Variants in VAV2 observed in about 807,000 individuals in gnomAD.
VAV2 encodes vav guanine nucleotide exchange factor 2.
A neutral mutation model predicts 132.5 loss-of-function variants in VAV2; 67 were observed. The ratio of observed to expected loss-of-function variants is 0.51; its 90% CI spans 0.42 to 0.62. VAV2 has a LOEUF of 0.62. VAV2 is among the 20% of genes least tolerant of loss of function. The probability of loss-of-function intolerance (pLI) is 0.00; values close to 1 mark genes in which losing one functional copy is unlikely to be tolerated. For missense variants in VAV2, 938 were observed against 1,153.6 expected (o/e 0.81, Z 2.71); for synonymous variants, 492 against 443.5 (o/e 1.11, Z -1.37).
chr9:133,963,331 A>G (rs1356361487), intron 1 of VAV2, among the ~76,000 whole-genome samples: 1 of 152,214 alleles, frequency 6.6e-6, no homozygotes, highest in Non-Finnish European at 1.5e-5. Flanking sequence ...GCCACTGACC[A>G]GAACCAAGGG....
intron 4 of VAV2, among the ~76,000 whole-genome samples, chr9:133,815,867 A>C (rs919498887): frequency 1.3e-5 from 2 of 152,204 alleles, no homozygotes; most frequent in Admixed American, 6.5e-5. Flanking sequence ...CTAGGACTGG[A>C]ACTCCTGGTC....
chr9:133,827,523 G>A (rs74204327), intron 4 of VAV2, among the ~76,000 whole-genome samples: 1,541 of 3,436 alleles, frequency 0.45, 633 homozygotes, highest in Non-Finnish European at 0.67. Flanking sequence ...GTGCCCACTG[G>A]GGCTGACCAC....
chr9:133,843,914 C>A (rs1030107001), intron 3 of VAV2, among the ~76,000 whole-genome samples: 2 of 151,338 alleles, frequency 1.3e-5, no homozygotes, highest in African/African-American at 4.9e-5. Context: ...CTGCCATAGC[C>A]CCGGCAGTGA....
intron 1 of VAV2, among the ~76,000 whole-genome samples, chr9:133,952,372 G>A (rs1841589393): frequency 6.6e-6 from 1 of 152,118 alleles, no homozygotes; most frequent in Non-Finnish European, 1.5e-5. Context: ...GGGAGGCCGA[G>A]GCAAGCAGAT....
chr9:133,883,546 G>A lies in VAV2; in HGVS notation c.322-22114C>T, dbSNP rs1838583321. ...GACTCCCAAGTCATCCCCAGCCACGGCAGGCAGACAGCCCAGCAGAGACTC... is the reference window on the plus strand; with the variant it reads ...GACTCCCAAGTCATCCCCAGCCACGACAGGCAGACAGCCCAGCAGAGACTC... On this transcript the variant is annotated intron_variant, in intron 2 of 29. Transcript: ENST00000371850. This position sits in a 1 kb window ranked among gnomAD's most constrained non-coding sequence, Gnocchi z 4.2. Among the ~76,000 whole-genome samples, 1 of 152,096 alleles carries A rather than the reference G, an allele frequency of 6.6e-6. No individual in the cohort carries two copies. Among genetic ancestry groups the A allele is most frequent in the Non-Finnish European group, 1.5e-5 (1 of 68,014 alleles).
intron 2 of VAV2, among the ~76,000 whole-genome samples, chr9:133,898,988 AT>A (rs1317122226): frequency 6.6e-6 from 1 of 151,580 alleles, no homozygotes; most frequent in Non-Finnish European, 1.5e-5. Context: ...CGCCCGGCTA[AT>A]TTTTTGTATT....
At chr9:133,959,214 G>A (rs569239719) in intron 1 of VAV2, among the ~76,000 whole-genome samples, 75 of 152,336 alleles carry the variant, frequency 4.9e-4, no homozygotes, top group African/African-American at 1.5e-3. Flanking sequence ...CAGGAGAGAT[G>A]CTCAGAACCT....
At chr9:133,878,050 C>G (rs996520914) in intron 2 of VAV2, among the ~76,000 whole-genome samples, 1 of 152,194 alleles carries the variant, frequency 6.6e-6, no homozygotes. Flanking sequence ...CCTAGGCTGT[C>G]TGACGGTGAA....
intron 2 of VAV2, among the ~76,000 whole-genome samples, chr9:133,925,632 C>T (rs529860161): frequency 6.6e-6 from 1 of 152,132 alleles, no homozygotes; most frequent in Admixed American, 6.5e-5. Flanking sequence ...GCCCTTGCTG[C>T]TGGGGATCTG....
At chr9:133,943,503 AC>A (rs1273378112) in intron 1 of VAV2, among the ~76,000 whole-genome samples, 1 of 151,806 alleles carries the variant, frequency 6.6e-6, no homozygotes, top group Non-Finnish European at 1.5e-5. Flanking sequence ...GGCCTTCGGG[AC>A]CCCCCACAAA....
intron 4 of VAV2, among the ~76,000 whole-genome samples, chr9:133,822,746 G>A (rs535131250): frequency 2.3e-4 from 35 of 152,244 alleles, no homozygotes; most frequent in Admixed American, 4.6e-4. Flanking sequence ...CTCTTTTTGG[G>A]GGCTTCTTTC....
In VAV2 at chr9:133,905,333, G is replaced by A. The variant is rs1357955334; in HGVS notation, c.321+33770C>T. On this transcript the variant is annotated intron_variant, in intron 2 of 29. Transcript: ENST00000371850. ...CACCTGTAGTCCCAGCTACTCGGGA[G>A]GCTGAGGCAGGAGAATGGTGTGAAC... 2.7e-4 allele frequency among the ~76,000 whole-genome samples: 41 copies of A among 151,418 alleles called. 1 individual carries two copies. The highest frequency in any genetic ancestry group is 9.7e-4 in the African/African-American group (40 of 41,296).
At chr9:133,888,512 C>T (rs542759008) in intron 2 of VAV2, among the ~76,000 whole-genome samples, 86 of 152,332 alleles carry the variant, frequency 5.6e-4, no homozygotes, top group African/African-American at 2.0e-3. Flanking sequence ...CCTACACCAC[C>T]GGCCCTGGGT....
At chr9:133,950,070 CT>C (rs1209048312) in intron 1 of VAV2, among the ~76,000 whole-genome samples, 6 of 152,176 alleles carry the variant, frequency 3.9e-5, no homozygotes, top group Non-Finnish European at 8.8e-5. Context: ...TCCACAGCCC[CT>C]GAGCCATGAG....
At chr9:133,916,334 T>G (rs1201350100) in intron 2 of VAV2, among the ~76,000 whole-genome samples, 3 of 152,262 alleles carry the variant, frequency 2.0e-5, no homozygotes, top group Non-Finnish European at 4.4e-5. Flanking sequence ...CGCTGAATGC[T>G]AACTGACAGT....
intron 26 of VAV2, 100 bp downstream of exon 26, chr9:133,771,859 T>C: frequency 8.8e-7 from 1 of 1,136,892 alleles, no homozygotes; most frequent in Non-Finnish European, 1.3e-6. Context: ...CTGGGAAGAA[T>C]CAATCCTCAC....
At chr9:133,904,508 T>C (rs1004744926) in intron 2 of VAV2, among the ~76,000 whole-genome samples, 2 of 152,144 alleles carry the variant, frequency 1.3e-5, no homozygotes, top group African/African-American at 4.8e-5. Context: ...GGACGGCAAA[T>C]GCACTTGCAG....
At chr9:133,842,053 C>A (rs1262282593) in intron 3 of VAV2, among the ~76,000 whole-genome samples, 1 of 152,212 alleles carries the variant, frequency 6.6e-6, no homozygotes, top group Non-Finnish European at 1.5e-5. Flanking sequence ...AACAAGAACG[C>A]AGCCCTCAAT....
chr9:133,856,963 C>A lies in VAV2; in HGVS notation c.380+4411G>T, dbSNP rs545494177. Reference sequence around the variant, plus strand: ...GGCCTTCCACAAGGACCAGGTGCTGCGCTGCACGATGCACAGACACAGAGC... The same window carrying A: ...GGCCTTCCACAAGGACCAGGTGCTGAGCTGCACGATGCACAGACACAGAGC... On this transcript the variant is annotated intron_variant, in intron 3 of 29. Coordinates refer to ENST00000371850, the MANE Select transcript of VAV2 (RefSeq NM_001134398.2). 2.1e-4 allele frequency among the ~76,000 whole-genome samples: 32 copies of A among 152,306 alleles called. No homozygotes were observed. In the East Asian group the frequency reaches 6.2e-3, roughly 29 times the overall value.
Sources: gnomAD v4.1 joint callset for allele counts (sites outside exome capture counted in the v4.1 genomes callset) on GRCh38, gnomAD v4.1.1 for gene constraint, Gnocchi (gnomAD v3.1) non-coding constraint, MANE v1.5 for transcripts, NCBI Gene and HGNC (gene_info 2026-07-23, HGNC 2026-07-21) for gene names.